Variants in PRH1 observed in about 807,000 individuals in gnomAD.
PRH1 encodes proline rich protein HaeIII subfamily 1.
A neutral mutation model predicts 7.9 loss-of-function variants in PRH1; 7 were observed. The observed-to-expected ratio is 0.89, with a 90% CI of 0.50 to 1.67. The LOEUF (loss-of-function observed/expected upper bound fraction) is 1.67, where lower values mean the gene tolerates loss of function less well. Ranked by LOEUF, PRH1 falls within the 40% of genes most tolerant of loss-of-function variation. The pLI, the probability that PRH1 is intolerant of heterozygous loss-of-function variation, is 0.00. For synonymous variants in PRH1, 45 were observed against 80.8 expected (o/e 0.56, Z 2.38); for missense variants, 109 against 223.6 (o/e 0.49, Z 3.27).
At chr12:11,128,742 A>C (rs2600363) in intron 1 of PRH1, among the ~76,000 whole-genome samples, 69,194 of 152,038 alleles carry the variant, frequency 0.46, 16,546 homozygotes, top group Non-Finnish European at 0.53. Context: ...GAGACTCCGT[A>C]TCAAAATAAC....
At chr12:10,911,059 T>C (rs1268513799) in intron 2 of PRH1, among the ~76,000 whole-genome samples, 3 of 152,250 alleles carry the variant, frequency 2.0e-5, no homozygotes, top group African/African-American at 7.2e-5. Flanking sequence ...TTTGTATATT[T>C]ATGACCTTTA....
chr12:11,105,026 T>C (rs924446242), intron 1 of PRH1, among the ~76,000 whole-genome samples: 3 of 151,838 alleles, frequency 2.0e-5, no homozygotes, highest in Non-Finnish European at 2.9e-5. Flanking sequence ...ATAAATTGTC[T>C]AACCTTTTTC....
At chr12:10,990,547 A>T (rs1939884744) in intron 1 of PRH1, among the ~76,000 whole-genome samples, 1 of 152,206 alleles carries the variant, frequency 6.6e-6, no homozygotes, top group South Asian at 2.1e-4. Context: ...AGGACTTTGT[A>T]AGGATTTTGG....
Position 11,134,262 on chromosome 12 carries a change from G to T in PRH1, n.40-13082C>A, listed in dbSNP as rs751047749. The T allele has an allele frequency of 1.3e-5, 20 of 1,593,834 alleles. No homozygotes were observed. In the South Asian group the frequency reaches 1.5e-4, roughly 12 times the overall value. ...GTTATCATGTCTGAACAGACAAAAA[G>T]AAATTTTTAAAATGCTGGTGTAATA... On this transcript the variant is annotated intron_variant and non_coding_transcript_variant, in intron 1 of 1. Transcript: ENST00000541175.
intron 1 of PRH1, among the ~76,000 whole-genome samples, chr12:11,086,563 T>G (rs1345681769): frequency 0.43 from 60,513 of 139,330 alleles, 14,560 homozygotes; most frequent in Non-Finnish European, 0.51. Context: ...TTCATATAAC[T>G]ATGATGTGAG....
At chr12:11,019,629 A>C (rs888525143) in intron 1 of PRH1, among the ~76,000 whole-genome samples, 1 of 152,086 alleles carries the variant, frequency 6.6e-6, no homozygotes, top group African/African-American at 2.4e-5. Flanking sequence ...TGTATATGAT[A>C]ACCAGCTAGA....
intron 1 of PRH1, among the ~76,000 whole-genome samples, chr12:10,994,650 C>A (rs1359278256): frequency 1.2e-5 from 1 of 82,350 alleles, no homozygotes; most frequent in Admixed American, 1.4e-4. Flanking sequence ...TACTTCTAGA[C>A]CCCTGATAAG....
At chr12:11,136,803 G>C (rs542988944) in intron 1 of PRH1, among the ~76,000 whole-genome samples, 2 of 152,098 alleles carry the variant, frequency 1.3e-5, no homozygotes, top group Non-Finnish European at 2.9e-5. Flanking sequence ...GCTGGGGCAG[G>C]AGCACCCAGG....
At chr12:11,077,835 G>A (rs1186459677) in intron 1 of PRH1, 2 of 1,038,288 alleles carry the variant, frequency 1.9e-6, no homozygotes, top group Non-Finnish European at 3.0e-6. Context: ...AAAATACCAA[G>A]GGACCCAACA....
At chr12:10,992,958 T>C (rs1301958808) in intron 1 of PRH1, among the ~76,000 whole-genome samples, 1 of 152,182 alleles carries the variant, frequency 6.6e-6, no homozygotes, top group Admixed American at 6.5e-5. Flanking sequence ...TAAAACATAC[T>C]AACCGCATTG....
rs112377198 is a variant in PRH1 at position 11,008,797 on chromosome 12, T to C, written c.-125-35076A>G. Among the ~76,000 whole-genome samples, 742 of 152,130 alleles carry C rather than the reference T, an allele frequency of 4.9e-3. 5 individuals carry two copies. Among genetic ancestry groups the C allele is most frequent in the Non-Finnish European group, 7.6e-3 (518 of 67,940 alleles). On this transcript the variant is annotated intron_variant, in intron 1 of 3. Transcript: ENST00000539853. ...GTTGATATATACTTGGACAGCTTCT[T>C]TTATGAACTATTATGAATAATGCTA...
chr12:10,901,257 G>A (rs1032033472), intron 2 of PRH1, among the ~76,000 whole-genome samples: 1 of 152,142 alleles, frequency 6.6e-6, no homozygotes, highest in East Asian at 1.9e-4. Flanking sequence ...AATCTTGGTT[G>A]GTGGGGGTGG....
chr12:11,114,326 T>TA (rs1017352174), intron 1 of PRH1, among the ~76,000 whole-genome samples: 14 of 134,352 alleles, frequency 1.0e-4, no homozygotes, highest in African/African-American at 3.2e-4. Context: ...TATGCAGCCA[T>TA]AAAAAAGGAT....
At chr12:11,062,739 A>T (rs1486520638) in intron 1 of PRH1, among the ~76,000 whole-genome samples, 2 of 152,130 alleles carry the variant, frequency 1.3e-5, no homozygotes, top group Non-Finnish European at 2.9e-5. Flanking sequence ...GAGATCATAT[A>T]GTAAATGTCT....
chr12:10,910,264 A>G (rs568386063), intron 2 of PRH1, among the ~76,000 whole-genome samples: 2 of 152,244 alleles, frequency 1.3e-5, no homozygotes, highest in South Asian at 4.1e-4. Flanking sequence ...TAATTTGTAA[A>G]TCAAGCACAG....
intron 1 of PRH1, among the ~76,000 whole-genome samples, chr12:11,085,889 G>A (rs865801556): frequency 5.9e-5 from 7 of 118,526 alleles, no homozygotes; most frequent in Middle Eastern, 3.9e-3. Context: ...TGCCTGCACT[G>A]TTATATGTAG....
At chr12:10,959,500 A>G (rs566620549) in intron 2 of PRH1, among the ~76,000 whole-genome samples, 2 of 152,286 alleles carry the variant, frequency 1.3e-5, no homozygotes, top group African/African-American at 4.8e-5. Context: ...TTTATACTGT[A>G]CACAAAAATT....
intron 2 of PRH1, among the ~76,000 whole-genome samples, chr12:10,969,069 A>G (rs1280120019): frequency 6.6e-6 from 1 of 152,206 alleles, no homozygotes; most frequent in Non-Finnish European, 1.5e-5. Context: ...AGAATGGTAA[A>G]TGAGGGAGAT....
chr12:10,996,011 G>A (rs1940208594), intron 1 of PRH1, among the ~76,000 whole-genome samples: 1 of 151,748 alleles, frequency 6.6e-6, no homozygotes, highest in South Asian at 2.1e-4. Context: ...AACAATAATT[G>A]TATTTGCTTT....
Sources: allele counts gnomAD v4.1 joint callset (sites outside exome capture counted in the v4.1 genomes callset), GRCh38; gene constraint gnomAD v4.1.1; transcripts MANE v1.5; gene names NCBI Gene and HGNC (gene_info 2026-07-23, HGNC 2026-07-21).